Variants in DLC1 observed in about 807,000 individuals in gnomAD.
The protein encoded by DLC1 is DLC1 Rho GTPase activating protein.
Under a neutral mutation model 140.3 loss-of-function variants are expected in DLC1, and 54 were observed. That is an observed-to-expected ratio of 0.38 (90% confidence interval 0.31 to 0.48). The LOEUF is 0.48. DLC1 is among the 20% of genes least tolerant of loss of function. The pLI is 0.96. For synonymous variants in DLC1, 986 were observed against 728.1 expected, an observed-to-expected ratio of 1.35 and a Z score of -5.70; for missense variants, 2,536 against 1,907.0, an observed-to-expected ratio of 1.33 and a Z score of -6.14.
At chr8:13,562,374 G>GA (rs748936477) in intron 1 of DLC1, among the ~76,000 whole-genome samples, 3 of 151,474 alleles carry the variant, frequency 2.0e-5, no homozygotes, top group Non-Finnish European at 4.4e-5. Flanking sequence ...GAATTGAAAA[G>GA]AAAAAAACAA....
chr8:13,587,853 A>G (rs1406653688), intron 1 of DLC1, among the ~76,000 whole-genome samples: 1 of 141,542 alleles, frequency 7.1e-6, no homozygotes, highest in Non-Finnish European at 1.6e-5. Flanking sequence ...CTCCTGTATC[A>G]TATCATGCCC....
At chr8:13,579,779 G>A (rs1805016405) in intron 1 of DLC1, among the ~76,000 whole-genome samples, 2 of 151,532 alleles carry the variant, frequency 1.3e-5, no homozygotes, top group Admixed American at 1.3e-4. Flanking sequence ...TAGTGTCCTA[G>A]TGAGCCCACT....
At chr8:13,394,007 C>A (rs1284678313) in intron 3 of DLC1, among the ~76,000 whole-genome samples, 2 of 142,452 alleles carry the variant, frequency 1.4e-5, no homozygotes, top group African/African-American at 4.9e-5. Context: ...AAGGCAGAAG[C>A]CCACAGCCAC....
intron 12 of DLC1, among the ~76,000 whole-genome samples, chr8:13,093,833 G>T (rs778049932): frequency 6.6e-6 from 1 of 152,254 alleles, no homozygotes; most frequent in East Asian, 1.9e-4. Context: ...TTTAAATTAC[G>T]TTGCTGTAAT....
chr8:13,521,045 T>A (rs1287804718), intron 1 of DLC1, among the ~76,000 whole-genome samples: 2 of 152,072 alleles, frequency 1.3e-5, no homozygotes, highest in Non-Finnish European at 2.9e-5. Flanking sequence ...ACGTGGTCCA[T>A]ATACACCATG....
intron 5 of DLC1, among the ~76,000 whole-genome samples, chr8:13,141,512 G>A (rs1822991175): frequency 6.6e-6 from 1 of 152,194 alleles, no homozygotes; most frequent in Non-Finnish European, 1.5e-5. Flanking sequence ...ACTCACTCAT[G>A]AGTTTATTTC....
intron 5 of DLC1, chr8:13,214,557 CTTTT>C (rs34727279): frequency 1.6e-3 from 937 of 575,836 alleles, no homozygotes; most frequent in South Asian, 2.4e-3. Flanking sequence ...CCAACCCCAC[CTTTT>C]TTTTTTTTTT....
chr8:13,102,260 C>T (rs485673), intron 8 of DLC1, among the ~76,000 whole-genome samples: 124,638 of 152,140 alleles, frequency 0.82, 51,106 homozygotes, highest in East Asian at 0.91. Flanking sequence ...TACCATCCAG[C>T]TCGGTTGTGT....
rs1820492042 is a variant in DLC1, at chr8:13,115,665, AG to A, written c.1349-9del. On this transcript the variant is annotated splice_polypyrimidine_tract_variant and intron_variant, in intron 5 of 17. Transcript: ENST00000276297. ...CTTCCTTGGCTTCAATTTCTAGAAC[AG>A]AACAGAAGAAAGACAAAATTAGCCA... is the stretch of plus-strand genomic sequence containing the variant. 1 of 1,613,138 alleles carries A rather than the reference AG, an allele frequency of 6.2e-7. No homozygotes were observed. Among genetic ancestry groups the A allele is most frequent in the African/African-American group, 1.3e-5 (1 of 75,010 alleles).
chr8:13,143,652 T>G (rs1358406041), intron 5 of DLC1, among the ~76,000 whole-genome samples: 1 of 151,274 alleles, frequency 6.6e-6, no homozygotes, highest in African/African-American at 2.4e-5. Flanking sequence ...TAAATTGGTG[T>G]CCTCTCACCT....
chr8:13,099,788 C>T lies in DLC1; in HGVS notation c.2549G>A (p.Ser850Asn). The change falls in exon 9 of 18, where the codon AGC becomes AAC. Residue 850 changes from serine to asparagine, a missense_variant. Physicochemically the swap from Ser to Asn is conservative, Grantham distance 46. Coordinates refer to ENST00000276297, the MANE Select transcript of DLC1 (RefSeq NM_182643.3). Reference protein sequence around the residue: ...TGSFHGPGHISLRRENSSDSP... With the variant: ...TGSFHGPGHINLRRENSSDSP... ...GTCGCTACTGTTTTCCCTCCTGAGG[C>T]TGATGTGGCCAGGGCCGTGGAAGCT... 2 of 1,614,162 alleles carry T rather than the reference C, an allele frequency of 1.2e-6. No homozygotes were observed. The highest frequency in any genetic ancestry group is 8.5e-7 in the Non-Finnish European group (1 of 1,180,036).
At position 13,560,994 on chromosome 8, in the gene DLC1, G is replaced by T. The variant is rs143147239; in HGVS notation, c.-126+43543C>A. Among the ~76,000 whole-genome samples, 1,236 of 152,152 alleles carry T rather than the reference G, an allele frequency of 8.1e-3. 20 individuals are homozygous for T. The highest frequency in any genetic ancestry group is 0.028 in the African/African-American group (1,177 of 41,512). ...TATATATTTTTTAATTAAAAAAATT[G>T]TTGGTTAAAATGGGGACATTTGGAA... On this transcript the variant is annotated intron_variant, in intron 1 of 1. Transcript: ENST00000631382.
Position 13,092,523 on chromosome 8 carries a change from A to T in DLC1, c.3740+89T>A. 3 of 1,430,004 alleles carry T rather than the reference A, an allele frequency of 2.1e-6. No homozygotes were observed. In the Admixed American group the frequency reaches 6.1e-5, roughly 29 times the overall value. The allele number at this position is 1,430,004 out of a possible 1,614,324, so 88.6% of individuals were successfully genotyped here. A position where few individuals can be genotyped will look rare whatever the true frequency, so the allele number is the denominator to read the frequency against. The stretch of plus-strand genomic sequence containing the variant: ...GTCTAACCTTCTTGCTTGTTTCAGG[A>T]AAGAGTCCCACAAAACCACAGCTAC... On this transcript the variant is annotated intron_variant, in intron 13 of 17. Coordinates refer to ENST00000276297, the MANE Select transcript of DLC1 (RefSeq NM_182643.3).
intron 5 of DLC1, among the ~76,000 whole-genome samples, chr8:13,192,318 T>C (rs947419675): frequency 6.6e-6 from 1 of 152,066 alleles, no homozygotes; most frequent in Non-Finnish European, 1.5e-5. Flanking sequence ...CAATTTTGGG[T>C]GATGCCCTTT....
At chr8:13,304,176 G>A (rs1351404529) in intron 5 of DLC1, among the ~76,000 whole-genome samples, 1 of 152,122 alleles carries the variant, frequency 6.6e-6, no homozygotes. Context: ...AATAATTGCA[G>A]TTTGGCCATT....
At chr8:13,582,346 G>C (rs779305586) in intron 1 of DLC1, among the ~76,000 whole-genome samples, 1 of 152,162 alleles carries the variant, frequency 6.6e-6, no homozygotes, top group Non-Finnish European at 1.5e-5. Context: ...TGGATCAAAG[G>C]ATGCAAAGTA....
At chr8:13,482,448 C>G (rs1180076149) in intron 2 of DLC1, among the ~76,000 whole-genome samples, 5 of 152,134 alleles carry the variant, frequency 3.3e-5, no homozygotes, top group Non-Finnish European at 7.3e-5. Context: ...GCAATGCTGT[C>G]TGACTAGAAG....
At chr8:13,098,301 A>T in intron 10 of DLC1, 98 bp downstream of exon 10, 1 of 1,393,038 alleles carries the variant, frequency 7.2e-7, no homozygotes, top group Non-Finnish European at 9.9e-7. Context: ...TATATTAATA[A>T]AGGAGAGAAG....
At chr8:13,188,877 G>A (rs1280745913) in intron 5 of DLC1, among the ~76,000 whole-genome samples, 1 of 115,124 alleles carries the variant, frequency 8.7e-6, no homozygotes, top group East Asian at 2.4e-4. Flanking sequence ...TTTTAGTGGA[G>A]ATGAAGTTTC....
Sources: gnomAD v4.1 joint callset for allele counts (sites outside exome capture counted in the v4.1 genomes callset) on GRCh38, gnomAD v4.1.1 for gene constraint, MANE v1.5 for transcripts, NCBI Gene and HGNC (gene_info 2026-07-23, HGNC 2026-07-21) for gene names.